FGF12: variants seen among roughly 807,000 people sequenced by gnomAD.
FGF12 encodes the protein fibroblast growth factor 12.
A neutral mutation model predicts 23.6 loss-of-function variants in FGF12; 14 were observed. The observed-to-expected ratio is 0.59, with a 90% CI of 0.39 to 0.93. The LOEUF (loss-of-function observed/expected upper bound fraction) is 0.93. Ranked by LOEUF, FGF12 falls within the 40% of genes least tolerant of loss-of-function variation. FGF12 has a pLI of 0.00. For synonymous variants in FGF12, 62 were observed against 77.3 expected (o/e 0.80, Z 1.04); for missense variants, 175 against 217.8 (o/e 0.80, Z 1.24).
intron 2 of FGF12, among the ~76,000 whole-genome samples, chr3:192,607,831 G>C (rs1316038203): frequency 8.7e-6 from 1 of 115,468 alleles, no homozygotes; most frequent in Non-Finnish European, 1.7e-5. Flanking sequence ...AACATACCCA[G>C]AGAACACTGA....
At chr3:192,207,451 G>A (rs1038367772) in intron 4 of FGF12, among the ~76,000 whole-genome samples, 1 of 152,196 alleles carries the variant, frequency 6.6e-6, no homozygotes, top group Non-Finnish European at 1.5e-5. Flanking sequence ...TTTGCAGAAG[G>A]AGGGATTCTT....
In FGF12 at chr3:192,538,087, C is replaced by T. The variant is rs1725273111; in HGVS notation, c.14-177549G>A. On this transcript the variant is annotated intron_variant, in intron 2 of 5. Transcript: ENST00000445105. ...TCAGCCTCCTGAGCACCTGAGATTA[C>T]AGATGTGTGCCACTGTGCCCGGCTA... Among the ~76,000 whole-genome samples the T allele has an allele frequency of 2.0e-5, 3 of 151,798 alleles. No homozygotes were observed. The South Asian group carries it at 6.2e-4, about 32-fold the overall frequency.
At chr3:192,235,400 C>T (rs887752142) in intron 4 of FGF12, among the ~76,000 whole-genome samples, 14 of 152,158 alleles carry the variant, frequency 9.2e-5, no homozygotes, top group Non-Finnish European at 1.9e-4. Flanking sequence ...CTCCACCTCC[C>T]AGGTTCAAAT....
At chr3:192,359,250 T>C (rs909342954) in intron 3 of FGF12, among the ~76,000 whole-genome samples, 3 of 152,228 alleles carry the variant, frequency 2.0e-5, no homozygotes, top group Admixed American at 6.5e-5. Flanking sequence ...AAATGTGTAA[T>C]ATTAACTGAA....
At chr3:192,262,456 T>C (rs1712817247) in intron 4 of FGF12, among the ~76,000 whole-genome samples, 1 of 152,164 alleles carries the variant, frequency 6.6e-6, no homozygotes, top group Admixed American at 6.6e-5. Flanking sequence ...ATGGTATATA[T>C]AGTTGTGTGC....
chr3:192,571,983 T>A (rs1174239582), intron 2 of FGF12, among the ~76,000 whole-genome samples: 1 of 151,888 alleles, frequency 6.6e-6, no homozygotes, highest in Non-Finnish European at 1.5e-5. Context: ...TATACGAGTG[T>A]TAGCAATCCT....
chr3:192,562,559 TA>T (rs897400175), intron 2 of FGF12, among the ~76,000 whole-genome samples: 11 of 152,080 alleles, frequency 7.2e-5, no homozygotes, highest in Non-Finnish European at 1.0e-4. Context: ...TATTAATAAA[TA>T]AAAAAATTAT....
intron 4 of FGF12, among the ~76,000 whole-genome samples, chr3:192,263,200 T>C (rs749426661): frequency 5.3e-5 from 8 of 152,052 alleles, no homozygotes; most frequent in South Asian, 2.1e-4. Flanking sequence ...AAATGGTCCA[T>C]TGTAAAATGT....
intron 5 of FGF12, among the ~76,000 whole-genome samples, chr3:192,147,621 C>G (rs978001086): frequency 6.6e-6 from 1 of 152,044 alleles, no homozygotes; most frequent in Non-Finnish European, 1.5e-5. Context: ...ACAATTATAA[C>G]CCAGTGAATA....
intron 2 of FGF12, among the ~76,000 whole-genome samples, chr3:192,484,866 C>A (rs913072071): frequency 6.6e-6 from 1 of 152,172 alleles, no homozygotes; most frequent in Non-Finnish European, 1.5e-5. Context: ...AGTTCAAAGA[C>A]AACAATGCAT....
At chr3:192,218,985 C>T (rs989299751) in intron 4 of FGF12, among the ~76,000 whole-genome samples, 1 of 152,178 alleles carries the variant, frequency 6.6e-6, no homozygotes, top group Non-Finnish European at 1.5e-5. Context: ...AGTTGTGTAG[C>T]TGGGTTGGCA....
chr3:192,402,639 C>A (rs1576953060), intron 2 of FGF12, among the ~76,000 whole-genome samples: 1 of 152,212 alleles, frequency 6.6e-6, no homozygotes, highest in East Asian at 1.9e-4. Context: ...GAACAAGTCT[C>A]ATTGCCACTT....
intron 2 of FGF12, among the ~76,000 whole-genome samples, chr3:192,708,853 ATGTAT>A (rs1480664226): frequency 1.3e-5 from 2 of 152,192 alleles, no homozygotes; most frequent in Non-Finnish European, 2.9e-5. Context: ...CACTTGCAAG[ATGTAT>A]TGTGCTTTGA....
chr3:192,606,378 AG>A (rs1196993330), intron 2 of FGF12, among the ~76,000 whole-genome samples: 3 of 152,042 alleles, frequency 2.0e-5, no homozygotes, highest in African/African-American at 7.2e-5. Flanking sequence ...CAGAAAGAGG[AG>A]GGAGAAAGAG....
chr3:192,714,484 G>A (rs576670037), intron 2 of FGF12, among the ~76,000 whole-genome samples: 1 of 147,476 alleles, frequency 6.8e-6, no homozygotes, highest in East Asian at 2.0e-4. Context: ...TTATAATTCT[G>A]AGTCTTATTT....
chr3:192,630,681 T>G (rs1218943599), intron 2 of FGF12, among the ~76,000 whole-genome samples: 1 of 150,838 alleles, frequency 6.6e-6, no homozygotes, highest in Non-Finnish European at 1.5e-5. Context: ...GCCTCCCGAG[T>G]AGCTGGGACT....
chr3:192,496,100 T>C (rs1033261611), intron 2 of FGF12, among the ~76,000 whole-genome samples: 1 of 152,168 alleles, frequency 6.6e-6, no homozygotes. Context: ...TAGCAGCCTC[T>C]AGTCACAAAT....
chr3:192,376,278 T>C (rs991995362), intron 2 of FGF12, among the ~76,000 whole-genome samples: 3 of 151,904 alleles, frequency 2.0e-5, no homozygotes, highest in African/African-American at 7.2e-5. Flanking sequence ...AGAGCTTATT[T>C]TTGAACACAC....
intron 5 of FGF12, among the ~76,000 whole-genome samples, chr3:192,150,529 C>T (rs1713991972): frequency 6.9e-6 from 1 of 143,928 alleles, no homozygotes. Flanking sequence ...CAGCTTCCTA[C>T]ATATGGCTAT....
Sources: allele counts gnomAD v4.1 joint callset (sites outside exome capture counted in the v4.1 genomes callset), GRCh38; gene constraint gnomAD v4.1.1; transcripts MANE v1.5; gene names NCBI Gene and HGNC (gene_info 2026-07-23, HGNC 2026-07-21).